Variants in FBLN7 observed in about 807,000 individuals in gnomAD.
The protein encoded by FBLN7 is fibulin-7.
Under a neutral mutation model 44.0 loss-of-function variants are expected in FBLN7, and 31 were observed. The ratio of observed to expected loss-of-function variants is 0.70; its 90% CI spans 0.53 to 0.95. The LOEUF (loss-of-function observed/expected upper bound fraction) is 0.95. FBLN7 is among the 40% of genes least tolerant of loss of function. FBLN7 has a pLI of 0.00. For missense variants in FBLN7, 573 were observed against 618.5 expected (o/e 0.93, Z 0.78); for synonymous variants, 262 against 253.4 (o/e 1.03, Z -0.32).
chr2:112,243,899 T>C, the FBLN7 span, among the ~76,000 whole-genome samples: 1 of 151,682 alleles, frequency 6.6e-6, no homozygotes, highest in African/African-American at 2.4e-5. Context: ...CACAAAGATA[T>C]TAAAAAATAT....
At chr2:112,185,439 T>G in intron 7 of FBLN7, 100 bp downstream of exon 7, 1 of 1,458,532 alleles carries the variant, frequency 6.9e-7, no homozygotes, top group Non-Finnish European at 9.2e-7. Context: ...AGTTATACCA[T>G]AGAAAGATGA....
chr2:112,186,741 C>T (rs1683287750), intron 7 of FBLN7, among the ~76,000 whole-genome samples: 1 of 152,192 alleles, frequency 6.6e-6, no homozygotes, highest in African/African-American at 2.4e-5. Flanking sequence ...CTGCTGAGGT[C>T]CTGCCATTAC....
rs1403838867 is a variant in FBLN7, at chr2:112,182,331, C to T, written c.670+455C>T. Among the ~76,000 whole-genome samples, 5 of 152,294 alleles carry T rather than the reference C, an allele frequency of 3.3e-5. No homozygotes were observed. In the East Asian group the frequency reaches 9.7e-4, roughly 29 times the overall value. ...CTCCTGATTACCAGAGTTCTCTCCC[C>T]AAACAACGCAAAGCAGGAGTTCAAA... On this transcript the variant is annotated intron_variant, in intron 5 of 7. Coordinates refer to ENST00000331203, the MANE Select transcript of FBLN7 (RefSeq NM_153214.3).
chr2:112,182,120 C>G, intron 5 of FBLN7: 2 of 531,012 alleles, frequency 3.8e-6, no homozygotes, highest in Non-Finnish European at 6.5e-6. Context: ...GCCACACGCG[C>G]TTGGTTCAGG....
the FBLN7 span, chr2:112,231,934 A>ACC: frequency 6.4e-7 from 1 of 1,566,688 alleles, no homozygotes; most frequent in Non-Finnish European, 8.7e-7. Context: ...GGTAAAACTT[A>ACC]CAAGGATATT....
At chr2:112,233,387 G>T in the FBLN7 span, 3 of 1,505,944 alleles carry the variant, frequency 2.0e-6, no homozygotes, top group South Asian at 2.5e-5. Flanking sequence ...CCAAAAGAAG[G>T]AGCAAGGAAA....
the FBLN7 span, among the ~76,000 whole-genome samples, chr2:112,240,679 T>C: frequency 6.6e-6 from 1 of 152,220 alleles, no homozygotes; most frequent in Admixed American, 6.5e-5. Flanking sequence ...TCAATTTTGC[T>C]GTTTTATTAT....
rs1683345055 is a variant in FBLN7, at chr2:112,187,748, CACTA to C, written c.*246_*249del. On this transcript the variant is annotated 3_prime_UTR_variant, in exon 8 of 8. Coordinates refer to ENST00000331203, the MANE Select transcript of FBLN7 (RefSeq NM_153214.3). This position sits in a 1 kb window ranked among gnomAD's most constrained non-coding sequence, Gnocchi z 5.1. ...TTTGAGGCCCTTCCCTTAGATTATGCACTAACTTTCTTAAAACTTTTTCATCCAG... is the reference window on the plus strand; with the variant it reads ...TTTGAGGCCCTTCCCTTAGATTATGCACTTTCTTAAAACTTTTTCATCCAG... 3.7e-6 allele frequency: 2 copies of C among 539,580 alleles called. No homozygotes were observed. Among genetic ancestry groups the C allele is most frequent in the Non-Finnish European group, 6.4e-6 (2 of 311,492 alleles). The allele number at this position is 539,580 out of a possible 1,614,324, so 33.4% of individuals were successfully genotyped here.
chr2:112,181,964 G>T (rs1203556464), intron 5 of FBLN7, 88 bp downstream of exon 5: 1 of 1,442,688 alleles, frequency 6.9e-7, no homozygotes. Flanking sequence ...CCTCCTGCCG[G>T]CACGGGTGGC....
chr2:112,187,437 C>T lies in FBLN7; in HGVS notation c.1251C>T (p.Tyr417=). 1.2e-6 allele frequency: 2 copies of T among 1,614,202 alleles called. No individual in the cohort carries two copies. The highest frequency in any genetic ancestry group is 1.7e-6 in the Non-Finnish European group (2 of 1,180,044). The change falls in exon 8 of 8, where the codon TAC becomes TAT. Residue 417 remains tyrosine, a synonymous_variant. Coordinates refer to ENST00000331203, the MANE Select transcript of FBLN7 (RefSeq NM_153214.3). This position sits in a 1 kb window ranked among gnomAD's most constrained non-coding sequence, Gnocchi z 5.1. ...TLEVDVDMSE[Y]LDRSFQANHV... ...AGGTGGACGTCGACATGTCGGAATA[C>T]CTGGACCGCTCCTTCCAGGCCAACC... is the stretch of plus-strand genomic sequence containing the variant.
At position 112,185,334 on chromosome 2, in the gene FBLN7, T is replaced by A. The variant is rs1428323073; in HGVS notation, c.942T>A (p.Ser314=). 1 of 1,613,058 alleles carries A rather than the reference T, an allele frequency of 6.2e-7. No individual in the cohort carries two copies. The highest frequency in any genetic ancestry group is 1.3e-5 in the African/African-American group (1 of 74,880). Residue 314 remains serine, a synonymous_variant, in exon 7 of 8, where the codon TCT becomes TCA. Coordinates refer to ENST00000331203, the MANE Select transcript of FBLN7 (RefSeq NM_153214.3). ...GSGNVSYVKT[S]PFQCERNPCP... The stretch of plus-strand genomic sequence containing the variant: ...GCAATGTGAGCTACGTGAAGACGTC[T>A]CCATTGTGAGTATCTCCAGGGGAGG...
At chr2:112,216,755 A>G in the FBLN7 span, among the ~76,000 whole-genome samples, 2 of 152,032 alleles carry the variant, frequency 1.3e-5, no homozygotes, top group South Asian at 4.1e-4. Flanking sequence ...GAAAAAAATT[A>G]TATTACAAAT....
the FBLN7 span, among the ~76,000 whole-genome samples, chr2:112,203,850 G>T: frequency 6.6e-6 from 1 of 152,108 alleles, no homozygotes. Context: ...AAAACCATCA[G>T]ATCTCATGAG....
At chr2:112,170,527 G>A (rs545751017) in intron 3 of FBLN7, among the ~76,000 whole-genome samples, 93 of 134,006 alleles carry the variant, frequency 6.9e-4, no homozygotes, top group Admixed American at 1.0e-3. Flanking sequence ...ACCCTGTCTC[G>A]AAAGTGAAAA....
At chr2:112,232,035 C>G in the FBLN7 span, 2 of 746,572 alleles carry the variant, frequency 2.7e-6, no homozygotes, top group Non-Finnish European at 4.0e-6. Flanking sequence ...TAAATAAAGA[C>G]CTCTGTGGCC....
At chr2:112,243,383 G>GCAAT in the FBLN7 span, among the ~76,000 whole-genome samples, 7 of 152,100 alleles carry the variant, frequency 4.6e-5, no homozygotes, top group Admixed American at 1.3e-4. Context: ...TGTCTTCCAG[G>GCAAT]CAATGTATAT....
chr2:112,175,048 A>G (rs754257866), intron 3 of FBLN7, among the ~76,000 whole-genome samples: 4 of 152,216 alleles, frequency 2.6e-5, no homozygotes, highest in Non-Finnish European at 5.9e-5. Context: ...TAAAATAACA[A>G]TCTCTCTCTA....
intron 7 of FBLN7, 98 bp downstream of exon 7, chr2:112,185,437 C>T: frequency 6.8e-7 from 1 of 1,466,188 alleles, no homozygotes; most frequent in Admixed American, 2.2e-5. Flanking sequence ...ACAGTTATAC[C>T]ATAGAAAGAT....
At chr2:112,195,873 A>G in the FBLN7 span, among the ~76,000 whole-genome samples, 2 of 152,218 alleles carry the variant, frequency 1.3e-5, no homozygotes, top group African/African-American at 4.8e-5. Context: ...TGTGGTAGAC[A>G]TTAGCAAATT....
Sources: gnomAD v4.1 joint callset for allele counts (sites outside exome capture counted in the v4.1 genomes callset) on GRCh38, gnomAD v4.1.1 for gene constraint, Gnocchi (gnomAD v3.1) non-coding constraint, MANE v1.5 for transcripts, NCBI Gene and HGNC (gene_info 2026-07-23, HGNC 2026-07-21) for gene names.